The following KIAA1958 variants were observed in gnomAD, a reference collection of about 807,000 sequenced individuals.
KIAA1958 encodes KIAA1958.
KIAA1958 carries 14 observed loss-of-function variants against 47.2 expected under a neutral mutation model. The ratio of observed to expected loss-of-function variants is 0.30; its 90% CI spans 0.20 to 0.46. The LOEUF is 0.46. Ranked by LOEUF, KIAA1958 falls within the 20% of genes least tolerant of loss-of-function variation. The probability of loss-of-function intolerance (pLI) is 1.00; values close to 1 mark genes in which losing one functional copy is unlikely to be tolerated. For missense variants in KIAA1958, 803 were observed against 909.2 expected, an observed-to-expected ratio of 0.88 and a Z score of 1.50; for synonymous variants, 354 against 353.3, an observed-to-expected ratio of 1.00 and a Z score of -0.02.
chr9:112,564,559 CT>C (rs1334171068), intron 1 of KIAA1958, among the ~76,000 whole-genome samples: 5 of 151,964 alleles, frequency 3.3e-5, no homozygotes, highest in African/African-American at 4.8e-5. Flanking sequence ...CCTTTCATAC[CT>C]TTTTTTTCTG....
At chr9:112,534,363 G>A (rs888914522) in intron 1 of KIAA1958, among the ~76,000 whole-genome samples, 7 of 152,044 alleles carry the variant, frequency 4.6e-5, no homozygotes, top group African/African-American at 1.4e-4. Flanking sequence ...ATTATTGCAC[G>A]TTTTAGTATC....
chr9:112,548,250 C>A (rs1835077415), intron 1 of KIAA1958, among the ~76,000 whole-genome samples: 1 of 152,186 alleles, frequency 6.6e-6, no homozygotes, highest in Non-Finnish European at 1.5e-5. Flanking sequence ...CCACCTTGGC[C>A]TCCCAAAGTG....
intron 1 of KIAA1958, among the ~76,000 whole-genome samples, chr9:112,542,524 A>C (rs1042890818): frequency 2.0e-5 from 3 of 152,202 alleles, no homozygotes; most frequent in Non-Finnish European, 2.9e-5. Context: ...GCATTTTACA[A>C]ATTAGTTTTT....
chr9:112,520,269 G>C (rs985958298), intron 1 of KIAA1958, among the ~76,000 whole-genome samples: 1 of 152,210 alleles, frequency 6.6e-6, no homozygotes, highest in Non-Finnish European at 1.5e-5. Context: ...TTGAGTAGAA[G>C]CACTACCTTC....
chr9:112,628,486 G>A (rs1836656924), intron 2 of KIAA1958, among the ~76,000 whole-genome samples: 1 of 152,122 alleles, frequency 6.6e-6, no homozygotes, highest in Non-Finnish European at 1.5e-5. Context: ...AATTATGTGT[G>A]GTCTAAAGAA....
chr9:112,517,304 T>G (rs1375114336), intron 1 of KIAA1958, among the ~76,000 whole-genome samples: 1 of 152,242 alleles, frequency 6.6e-6, no homozygotes, highest in Non-Finnish European at 1.5e-5. Context: ...GATAATCTTT[T>G]CAACAAATGG....
At chr9:112,560,070 AT>A (rs921090945) in intron 1 of KIAA1958, among the ~76,000 whole-genome samples, 121 of 145,368 alleles carry the variant, frequency 8.3e-4, no homozygotes, top group Non-Finnish European at 8.4e-4. Context: ...AGCTGCACTG[AT>A]TTTTTTTTTT....
intron 1 of KIAA1958, among the ~76,000 whole-genome samples, chr9:112,572,362 A>G (rs1460397385): frequency 6.6e-6 from 1 of 152,212 alleles, no homozygotes; most frequent in African/African-American, 2.4e-5. Context: ...ACGACTGCAT[A>G]CTAGACAATA....
intron 2 of KIAA1958, among the ~76,000 whole-genome samples, chr9:112,589,985 G>C (rs1320307973): frequency 6.6e-6 from 1 of 152,184 alleles, no homozygotes; most frequent in African/African-American, 2.4e-5. Flanking sequence ...TCTCTTACCA[G>C]TTGTCCCTGA....
intron 2 of KIAA1958, among the ~76,000 whole-genome samples, chr9:112,605,086 T>G (rs1023602255): frequency 4.7e-5 from 7 of 149,052 alleles, no homozygotes; most frequent in Admixed American, 2.0e-4. Flanking sequence ...TATATATATT[T>G]AGAGAGAGAG....
At chr9:112,565,442 TGTAA>T (rs916921359) in intron 1 of KIAA1958, among the ~76,000 whole-genome samples, 1 of 152,246 alleles carries the variant, frequency 6.6e-6, no homozygotes, top group African/African-American at 2.4e-5. Context: ...TTGATAACTC[TGTAA>T]GTGTCTTATC....
chr9:112,598,393 T>C (rs910375518), intron 2 of KIAA1958, among the ~76,000 whole-genome samples: 2 of 152,072 alleles, frequency 1.3e-5, no homozygotes, highest in African/African-American at 4.8e-5. Context: ...TTAAGGACAA[T>C]AGGAATTCAG....
chr9:112,659,306 T>A lies in KIAA1958; in HGVS notation c.1388T>A (p.Val463Asp), dbSNP rs2131254392. 1 of 1,613,898 alleles carries A rather than the reference T, an allele frequency of 6.2e-7. No homozygotes were observed. Among genetic ancestry groups the A allele is most frequent in the Middle Eastern group, 1.7e-4 (1 of 6,060 alleles). Reference sequence around the variant, plus strand: ...AACGAGCTGCTCGAGAACTTTTATGTCACCGTCAAGAAGAGCGACGGCTCG... The same window carrying A: ...AACGAGCTGCTCGAGAACTTTTATGACACCGTCAAGAAGAGCGACGGCTCG... ...KLNELLENFY[V>D]TVKKSDGSDF... is the part of the protein sequence containing the mutation. The change falls in exon 4 of 4, where the codon GTC (valine) becomes GAC (aspartate). Residue 463 changes from valine (V) to aspartate (D), a missense_variant. Coordinates refer to ENST00000337530, the MANE Select transcript of KIAA1958 (RefSeq NM_133465.4).
intron 3 of KIAA1958, among the ~76,000 whole-genome samples, chr9:112,649,031 T>TA (rs150624604): frequency 0.012 from 1,807 of 152,268 alleles, 29 homozygotes; most frequent in African/African-American, 0.041. Context: ...AAAATGAACT[T>TA]ACAGATATAA....
chr9:112,503,286 G>A (rs773725758), intron 1 of KIAA1958, among the ~76,000 whole-genome samples: 55 of 152,152 alleles, frequency 3.6e-4, no homozygotes, highest in Non-Finnish European at 6.6e-4. Flanking sequence ...TGGAGGAAGA[G>A]CATTTGAGGC....
intron 1 of KIAA1958, among the ~76,000 whole-genome samples, chr9:112,488,256 AC>A: frequency 6.6e-6 from 1 of 152,090 alleles, no homozygotes; most frequent in East Asian, 1.9e-4. Context: ...ATTTTATTCC[AC>A]GTATATAACC....
chr9:112,639,793 C>A (rs1836863550), intron 2 of KIAA1958, among the ~76,000 whole-genome samples: 1 of 152,186 alleles, frequency 6.6e-6, no homozygotes, highest in Non-Finnish European at 1.5e-5. Flanking sequence ...GCATCTCCAT[C>A]AATACACACA....
At chr9:112,541,101 T>A (rs772038900) in intron 1 of KIAA1958, among the ~76,000 whole-genome samples, 86 of 152,154 alleles carry the variant, frequency 5.7e-4, no homozygotes, top group Non-Finnish European at 9.7e-4. Flanking sequence ...AACAGTGGTA[T>A]CATCTGGAGG....
rs979504072 is a variant in KIAA1958 at position 112,665,413 on chromosome 9, A to G, written c.*5344A>G. 1.3e-5 allele frequency: 2 copies of G among 152,198 alleles called. No homozygotes were observed. Among genetic ancestry groups the G allele is most frequent in the East Asian group, 3.9e-4 (2 of 5,192 alleles). 9.4% of individuals were successfully genotyped at this position (152,198 alleles called of 1,614,324 possible). On this transcript the variant is annotated 3_prime_UTR_variant, in exon 4 of 4. Coordinates refer to ENST00000337530, the MANE Select transcript of KIAA1958 (RefSeq NM_133465.4). ...ATTATTTCCATTTTACTTATTGAGA[A>G]TCTAGGCTCAGAGGAGTTAAAATTC...
Sources: gnomAD v4.1 joint callset for allele counts (sites outside exome capture counted in the v4.1 genomes callset) on GRCh38, gnomAD v4.1.1 for gene constraint, MANE v1.5 for transcripts, NCBI Gene and HGNC (gene_info 2026-07-23, HGNC 2026-07-21) for gene names.